The following CUL5 variants were observed in gnomAD, a reference collection of about 807,000 sequenced individuals.
CUL5 encodes the protein cullin 5, also known as cullin-5.
Under a neutral mutation model 108.8 loss-of-function variants are expected in CUL5, and 26 were observed. That is an observed-to-expected ratio of 0.24 (90% CI 0.18 to 0.33). The LOEUF (loss-of-function observed/expected upper bound fraction) is 0.33, where lower values mean the gene tolerates loss of function less well. Ranked by LOEUF, CUL5 falls within the 10% of genes least tolerant of loss-of-function variation. The probability of loss-of-function intolerance (pLI) is 1.00; values close to 1 mark genes in which losing one functional copy is unlikely to be tolerated. For synonymous variants in CUL5, 334 were observed against 298.0 expected, an observed-to-expected ratio of 1.12 and a Z score of -1.25; for missense variants, 524 against 909.2, an observed-to-expected ratio of 0.58 and a Z score of 5.45.
rs746530165 is a variant in CUL5 at position 108,104,375 on chromosome 11, T to C, written c.2334T>C (p.Tyr778=). ...RDESDINTFI[Y]MA is the part of the protein sequence containing the mutation. Reference sequence around the variant, plus strand: ...AATCTGATATCAACACTTTCATATATATGGCATAATTTTGAATATCATGGA... The same window carrying C: ...AATCTGATATCAACACTTTCATATACATGGCATAATTTTGAATATCATGGA... The change falls in exon 19 of 19, where the codon TAT becomes TAC. Residue 778 remains tyrosine, a synonymous_variant. Transcript: ENST00000393094. The C allele has an allele frequency of 6.5e-7, 1 of 1,541,530 alleles. No individual in the cohort carries two copies. Among genetic ancestry groups the C allele is most frequent in the South Asian group, 1.3e-5 (1 of 78,636 alleles).
chr11:108,077,299 T>C (rs933978344), intron 10 of CUL5, among the ~76,000 whole-genome samples: 5 of 152,262 alleles, frequency 3.3e-5, no homozygotes, highest in African/African-American at 9.6e-5. Flanking sequence ...ATAAATAAGA[T>C]GGAGATAAAC....
chr11:108,048,740 C>T (rs1863132977), intron 3 of CUL5, among the ~76,000 whole-genome samples: 1 of 146,326 alleles, frequency 6.8e-6, no homozygotes, highest in Admixed American at 6.9e-5. Context: ...GATCTCGGCT[C>T]ACTACAACCT....
chr11:108,018,519 AC>A lies in CUL5; in HGVS notation c.24+9148del, dbSNP rs369527783. ...CCATCTCTACTAAAAAAAAAAAAAT[AC>A]AAAAATTAGCTGAGTGTGGTGGCAC... On this transcript the variant is annotated intron_variant, in intron 1 of 18. Transcript: ENST00000393094. Among the ~76,000 whole-genome samples, 1,226 of 151,548 alleles carry A rather than the reference AC, an allele frequency of 8.1e-3. 7 individuals are homozygous for A. Among genetic ancestry groups the A allele is most frequent in the Non-Finnish European group, 0.011 (769 of 67,914 alleles).
At chr11:108,068,028 A>G (rs573487761) in intron 7 of CUL5, among the ~76,000 whole-genome samples, 130 of 151,832 alleles carry the variant, frequency 8.6e-4, no homozygotes, top group Non-Finnish European at 1.4e-3. Flanking sequence ...TCCCAGGTTT[A>G]AGCAATTCTC....
At chr11:108,062,622 GTATT>G (rs1234551247) in intron 7 of CUL5, among the ~76,000 whole-genome samples, 1 of 151,174 alleles carries the variant, frequency 6.6e-6, no homozygotes, top group African/African-American at 2.4e-5. Flanking sequence ...GTAGTTGTAT[GTATT>G]TATGGGTTAC....
intron 2 of CUL5, among the ~76,000 whole-genome samples, chr11:108,036,237 G>A (rs1356163226): frequency 6.6e-6 from 1 of 152,140 alleles, no homozygotes; most frequent in African/African-American, 2.4e-5. Flanking sequence ...AAAAGTCATA[G>A]TAAATATCAT....
intron 1 of CUL5, among the ~76,000 whole-genome samples, chr11:108,026,080 A>G (rs975286593): frequency 1.3e-5 from 2 of 152,002 alleles, no homozygotes; most frequent in Non-Finnish European, 2.9e-5. Context: ...CTTGAAGTCC[A>G]TTTTCTCCGC....
rs567937592 is a variant in CUL5 at position 108,065,171 on chromosome 11, G to A, written c.781-4925G>A. Among the ~76,000 whole-genome samples, 30 of 151,950 alleles carry A rather than the reference G, an allele frequency of 2.0e-4. No homozygotes were observed. In the South Asian group the frequency reaches 3.5e-3, roughly 18 times the overall value. Reference sequence around the variant, plus strand: ...CTCCCAAGTAGCTGGGACTACAGGCGCCCGCCACCACACCCGGCTAATTTT... The same window carrying A: ...CTCCCAAGTAGCTGGGACTACAGGCACCCGCCACCACACCCGGCTAATTTT... On this transcript the variant is annotated intron_variant, in intron 7 of 18. Transcript: ENST00000393094.
At position 108,052,788 on chromosome 11, in the gene CUL5, A is replaced by G; in HGVS notation, c.540A>G (p.Val180=). 1 of 1,612,866 alleles carries G rather than the reference A, an allele frequency of 6.2e-7. No individual in the cohort carries two copies. The highest frequency in any genetic ancestry group is 8.5e-7 in the Non-Finnish European group (1 of 1,179,546). Residue 180 remains valine, a synonymous_variant, in exon 5 of 19, where the codon GTA becomes GTG. Coordinates refer to ENST00000393094, the MANE Select transcript of CUL5 (RefSeq NM_003478.6). ...TTGATTCTCAGCTGGTTATTGGAGT[A>G]AGAGAATCCTATGGTATGTTCTGAA... is the stretch of plus-strand genomic sequence containing the variant. The part of the protein sequence containing the change: ...EAFDSQLVIG[V]RESYVNLCSN...
At chr11:108,014,804 T>G (rs1376984826) in intron 1 of CUL5, among the ~76,000 whole-genome samples, 1 of 152,182 alleles carries the variant, frequency 6.6e-6, no homozygotes, top group Non-Finnish European at 1.5e-5. Context: ...ACATAAACAG[T>G]GAAATACATA....
chr11:108,076,157 C>T (rs919055575), intron 10 of CUL5, among the ~76,000 whole-genome samples: 6 of 152,042 alleles, frequency 3.9e-5, no homozygotes, highest in Admixed American at 1.3e-4. Context: ...CTCAGCCTCC[C>T]GAGTAGCTGG....
intron 7 of CUL5, among the ~76,000 whole-genome samples, chr11:108,063,305 G>A (rs940531794): frequency 2.0e-5 from 3 of 152,142 alleles, no homozygotes; most frequent in African/African-American, 4.8e-5. Flanking sequence ...TGTGAAGTTC[G>A]TCTTTCTGTT....
chr11:108,016,417 G>A (rs1862192490), intron 1 of CUL5, among the ~76,000 whole-genome samples: 2 of 151,954 alleles, frequency 1.3e-5, no homozygotes, highest in African/African-American at 4.8e-5. Flanking sequence ...AGCATTCCCA[G>A]CTCATTTAAA....
At chr11:108,042,071 A>G (rs1402086813) in intron 2 of CUL5, among the ~76,000 whole-genome samples, 3 of 152,166 alleles carry the variant, frequency 2.0e-5, no homozygotes, top group Admixed American at 1.3e-4. Context: ...GATAAATATA[A>G]TAGGACTGTG....
At chr11:108,024,199 T>TA (rs1862401867) in intron 1 of CUL5, among the ~76,000 whole-genome samples, 1 of 152,196 alleles carries the variant, frequency 6.6e-6, no homozygotes, top group African/African-American at 2.4e-5. Context: ...CCCTGCCACT[T>TA]ACTGCCTATA....
intron 2 of CUL5, among the ~76,000 whole-genome samples, chr11:108,036,353 G>T (rs943308061): frequency 6.6e-6 from 1 of 152,118 alleles, no homozygotes; most frequent in Admixed American, 6.6e-5. Flanking sequence ...TCCTGATTGG[G>T]ACAATCCCTC....
chr11:108,080,398 A>T (rs555685778), intron 11 of CUL5, among the ~76,000 whole-genome samples: 1 of 151,422 alleles, frequency 6.6e-6, no homozygotes, highest in Non-Finnish European at 1.5e-5. Flanking sequence ...CCTTTTGCCC[A>T]TTTTTTTTGG....
intron 7 of CUL5, among the ~76,000 whole-genome samples, chr11:108,059,536 T>A (rs1334593518): frequency 6.6e-6 from 1 of 152,140 alleles, no homozygotes; most frequent in African/African-American, 2.4e-5. Context: ...ACCAGCTGTC[T>A]GCGTTTTGGC....
intron 11 of CUL5, among the ~76,000 whole-genome samples, chr11:108,084,185 A>G (rs1864169652): frequency 6.6e-6 from 1 of 152,228 alleles, no homozygotes; most frequent in African/African-American, 2.4e-5. Context: ...GTGGTAGACC[A>G]GTGCTGCTGC....
Sources: gnomAD v4.1 joint callset for allele counts (sites outside exome capture counted in the v4.1 genomes callset) on GRCh38, gnomAD v4.1.1 for gene constraint, MANE v1.5 for transcripts, NCBI Gene and HGNC (gene_info 2026-07-23, HGNC 2026-07-21) for gene names.